The following ASIC2 variants were observed in gnomAD, a reference collection of about 807,000 sequenced individuals.
ASIC2 encodes acid sensing ion channel subunit 2.
ASIC2 carries 25 observed loss-of-function variants against 57.3 expected under a neutral mutation model. The observed-to-expected ratio is 0.44, with a 90% CI of 0.32 to 0.61. ASIC2 has a LOEUF of 0.61. Ranked by LOEUF, ASIC2 falls within the 20% of genes least tolerant of loss-of-function variation. ASIC2 has a pLI of 0.06. For synonymous variants in ASIC2, 319 were observed against 307.5 expected (o/e 1.04, Z -0.39); for missense variants, 641 against 738.1 (o/e 0.87, Z 1.52).
intron 1 of ASIC2, among the ~76,000 whole-genome samples, chr17:33,726,376 C>T (rs774754532): frequency 1.4e-4 from 22 of 152,218 alleles, no homozygotes; most frequent in Middle Eastern, 3.4e-3. Flanking sequence ...CCATGAGAGA[C>T]GATAAAATGA....
intron 1 of ASIC2, among the ~76,000 whole-genome samples, chr17:33,682,060 CTTT>C (rs58085265): frequency 3.3e-5 from 4 of 122,778 alleles, no homozygotes; most frequent in African/African-American, 3.3e-5. Context: ...TCAGTGACAT[CTTT>C]TTTTTTTTTT....
At chr17:33,327,975 G>T (rs1387615206) in intron 1 of ASIC2, among the ~76,000 whole-genome samples, 2 of 152,174 alleles carry the variant, frequency 1.3e-5, no homozygotes, top group Non-Finnish European at 2.9e-5. Context: ...AGCCAAAGAA[G>T]ACTGAGGATG....
chr17:33,272,905 G>A (rs1338630076), intron 1 of ASIC2, among the ~76,000 whole-genome samples: 2 of 152,128 alleles, frequency 1.3e-5, no homozygotes, highest in African/African-American at 4.8e-5. Context: ...AGATCATTCA[G>A]CTCCACGATA....
At chr17:33,109,132 T>C (rs1243578661) in intron 2 of ASIC2, among the ~76,000 whole-genome samples, 2 of 152,128 alleles carry the variant, frequency 1.3e-5, no homozygotes, top group Admixed American at 6.5e-5. Context: ...AGACTACACA[T>C]TGGGTACAGT....
intron 1 of ASIC2, among the ~76,000 whole-genome samples, chr17:34,143,214 C>T (rs1325952030): frequency 6.6e-6 from 1 of 152,194 alleles, no homozygotes. Context: ...ACTCTAATCC[C>T]TAATGGTGCC....
intron 1 of ASIC2, among the ~76,000 whole-genome samples, chr17:33,229,898 A>G (rs1882022539): frequency 6.6e-6 from 1 of 152,214 alleles, no homozygotes; most frequent in Non-Finnish European, 1.5e-5. Context: ...AGAGCAGGCA[A>G]CCACTGGTGG....
intron 1 of ASIC2, among the ~76,000 whole-genome samples, chr17:34,127,581 C>T (rs1234221806): frequency 2.0e-5 from 3 of 152,124 alleles, no homozygotes; most frequent in Non-Finnish European, 4.4e-5. Flanking sequence ...GTAGCAGAAT[C>T]GAGAGGGAAG....
chr17:34,006,407 G>A (rs1409163586), intron 1 of ASIC2: 1 of 152,308 alleles, frequency 6.6e-6, no homozygotes, highest in East Asian at 1.9e-4. Context: ...GCAGAGTGTG[G>A]ATTCATTTCC....
intron 1 of ASIC2, among the ~76,000 whole-genome samples, chr17:33,709,334 T>G (rs71379408): frequency 0.021 from 3,150 of 152,316 alleles, 113 homozygotes; most frequent in African/African-American, 0.072. Flanking sequence ...AATGTTACCT[T>G]ATATGGCAGA....
chr17:33,296,722 G>C (rs1446171483), upstream of ASIC2, among the ~76,000 whole-genome samples: 3 of 152,162 alleles, frequency 2.0e-5, no homozygotes, highest in African/African-American at 7.2e-5. Context: ...AAATGAATCT[G>C]TTGGGAGGGG....
At chr17:33,782,112 C>T (rs1911473024) in intron 1 of ASIC2, among the ~76,000 whole-genome samples, 2 of 152,152 alleles carry the variant, frequency 1.3e-5, no homozygotes, top group African/African-American at 4.8e-5. Context: ...CAGTCTGAAG[C>T]TTATCTTTTC....
At chr17:33,184,037 A>C (rs1419813194) in intron 1 of ASIC2, among the ~76,000 whole-genome samples, 1 of 152,318 alleles carries the variant, frequency 6.6e-6, no homozygotes, top group South Asian at 2.1e-4. Flanking sequence ...CGAAATGTCT[A>C]TTATAGCAAC....
intron 1 of ASIC2, among the ~76,000 whole-genome samples, chr17:33,202,610 G>A (rs112406121): frequency 6.6e-6 from 1 of 152,180 alleles, no homozygotes; most frequent in Non-Finnish European, 1.5e-5. Context: ...GTAAAGCAAA[G>A]TATGCACCCA....
upstream of ASIC2, among the ~76,000 whole-genome samples, chr17:33,294,125 G>C (rs564529844): frequency 2.0e-5 from 3 of 152,142 alleles, no homozygotes; most frequent in Admixed American, 2.0e-4. Context: ...GGGGGAGTAG[G>C]ACTTCCAGGG....
chr17:33,031,502 G>A (rs187877027), intron 3 of ASIC2, among the ~76,000 whole-genome samples: 53 of 152,154 alleles, frequency 3.5e-4, no homozygotes, highest in African/African-American at 1.2e-3. Context: ...TTATGATACT[G>A]GACAAGAAAA....
At chr17:33,798,867 G>A (rs1273283206) in intron 1 of ASIC2, among the ~76,000 whole-genome samples, 2 of 152,156 alleles carry the variant, frequency 1.3e-5, no homozygotes, top group Non-Finnish European at 2.9e-5. Context: ...GCCCTGGGCT[G>A]GGGAGATTGA....
At chr17:33,987,395 C>T (rs1905855107) in intron 1 of ASIC2, among the ~76,000 whole-genome samples, 1 of 152,178 alleles carries the variant, frequency 6.6e-6, no homozygotes, top group Admixed American at 6.5e-5. Flanking sequence ...GTGCAATTTA[C>T]AGACTTCTGT....
At chr17:33,214,789 A>G (rs1419532177) in intron 1 of ASIC2, among the ~76,000 whole-genome samples, 1 of 152,204 alleles carries the variant, frequency 6.6e-6, no homozygotes, top group East Asian at 1.9e-4. Context: ...GGAAACTAAA[A>G]TTGCATGTCT....
chr17:33,123,114 A>G (rs1192137165), intron 1 of ASIC2, among the ~76,000 whole-genome samples: 4 of 152,230 alleles, frequency 2.6e-5, no homozygotes, highest in African/African-American at 9.6e-5. Flanking sequence ...TAGAATTACC[A>G]TATGATCCAG....
Sources: allele counts gnomAD v4.1 joint callset (sites outside exome capture counted in the v4.1 genomes callset), GRCh38; gene constraint gnomAD v4.1.1; transcripts MANE v1.5; gene names NCBI Gene and HGNC (gene_info 2026-07-23, HGNC 2026-07-21).